CTNND2: variants seen among roughly 807,000 people sequenced by gnomAD.
CTNND2 encodes the protein catenin delta-2.
Under a neutral mutation model 144.4 loss-of-function variants are expected in CTNND2, and 22 were observed. The observed-to-expected ratio is 0.15, with a 90% CI of 0.11 to 0.22. CTNND2 has a LOEUF of 0.22. Ranked by LOEUF, CTNND2 falls within the 10% of genes least tolerant of loss-of-function variation. The probability of loss-of-function intolerance (pLI) is 1.00; values close to 1 mark genes in which losing one functional copy is unlikely to be tolerated. For synonymous variants in CTNND2, 751 were observed against 695.6 expected, an observed-to-expected ratio of 1.08 and a Z score of -1.25; for missense variants, 1,353 against 1,618.8, an observed-to-expected ratio of 0.84 and a Z score of 2.82.
chr5:11,320,307 A>C (rs1161030399), intron 9 of CTNND2, among the ~76,000 whole-genome samples: 1 of 152,188 alleles, frequency 6.6e-6, no homozygotes, highest in East Asian at 1.9e-4. Context: ...CACTCACATA[A>C]GTAAAGTTGC....
chr5:11,745,302 C>A (rs1046758704), intron 1 of CTNND2, among the ~76,000 whole-genome samples: 2 of 152,072 alleles, frequency 1.3e-5, no homozygotes, highest in Admixed American at 6.6e-5. Context: ...TTTAGATGCG[C>A]CCTTCGTGGG....
intron 5 of CTNND2, among the ~76,000 whole-genome samples, chr5:11,408,936 T>G (rs1411490864): frequency 6.6e-6 from 1 of 152,058 alleles, no homozygotes; most frequent in African/African-American, 2.4e-5. Flanking sequence ...TACTTTATAT[T>G]ACTTTATCTC....
intron 3 of CTNND2, among the ~76,000 whole-genome samples, chr5:11,526,871 A>G (rs1353239366): frequency 6.7e-6 from 1 of 150,260 alleles, no homozygotes; most frequent in East Asian, 1.9e-4. Flanking sequence ...AGAAGAAAAT[A>G]TGGTCTGTCC....
intron 1 of CTNND2, among the ~76,000 whole-genome samples, chr5:11,743,798 C>T (rs1788155377): frequency 6.6e-6 from 1 of 152,052 alleles, no homozygotes; most frequent in Admixed American, 6.6e-5. Flanking sequence ...AGGGGATTAC[C>T]GTTCTACCTC....
intron 19 of CTNND2, 78 bp downstream of exon 19, chr5:10,992,473 T>C (rs1738793277): frequency 1.3e-6 from 2 of 1,596,192 alleles, no homozygotes; most frequent in Non-Finnish European, 1.7e-6. Context: ...TGAGTACGGG[T>C]TGGCTCACGG....
intron 2 of CTNND2, among the ~76,000 whole-genome samples, chr5:11,689,554 T>G (rs1784802763): frequency 6.6e-6 from 1 of 152,360 alleles, no homozygotes; most frequent in Middle Eastern, 3.4e-3. Context: ...TAAATCAATT[T>G]GTGAATGCTG....
intron 2 of CTNND2, among the ~76,000 whole-genome samples, chr5:11,679,372 A>T (rs1460478841): frequency 6.6e-6 from 1 of 152,214 alleles, no homozygotes; most frequent in East Asian, 1.9e-4. Context: ...TATGGAGATT[A>T]AAACTGATGC....
At chr5:11,471,529 A>G (rs1767236156) in intron 3 of CTNND2, among the ~76,000 whole-genome samples, 1 of 152,232 alleles carries the variant, frequency 6.6e-6, no homozygotes, top group Non-Finnish European at 1.5e-5. Context: ...AAATTCTAGT[A>G]ATAGAATAAT....
chr5:11,210,496 T>A (rs1580597172), intron 10 of CTNND2, among the ~76,000 whole-genome samples: 1 of 152,212 alleles, frequency 6.6e-6, no homozygotes, highest in African/African-American at 2.4e-5. Context: ...TTAAAAGAAA[T>A]AGTCATCTCC....
chr5:10,976,098 G>C (rs964942748), intron 21 of CTNND2, among the ~76,000 whole-genome samples: 1 of 118,284 alleles, frequency 8.5e-6, no homozygotes, highest in Admixed American at 9.2e-5. Context: ...TGCTGCACCC[G>C]GAGAGACAGA....
intron 1 of CTNND2, among the ~76,000 whole-genome samples, chr5:11,879,341 G>GTGTATATGTA: frequency 9.1e-6 from 1 of 109,336 alleles, no homozygotes; most frequent in East Asian, 2.5e-4. Context: ...TTAAATGTGT[G>GTGTATATGTA]TATATATATA....
In CTNND2 at chr5:11,166,004, T is replaced by C. The variant is rs1381093597; in HGVS notation, c.1976-6245A>G. Among the ~76,000 whole-genome samples the C allele has an allele frequency of 3.9e-5, 6 of 152,290 alleles. 1 individual carries two copies. The highest frequency in any genetic ancestry group is 5.9e-5 in the Non-Finnish European group (4 of 68,032). On this transcript the variant is annotated intron_variant, in intron 11 of 21. Coordinates refer to ENST00000304623, the MANE Select transcript of CTNND2 (RefSeq NM_001332.4). ...GCCCACTGGCTTGCTTTCAGCTCTT[T>C]AGACGTAGCATGAATCCTCTCATGT...
intron 16 of CTNND2, among the ~76,000 whole-genome samples, chr5:11,037,894 T>C (rs1389803700): frequency 1.3e-5 from 2 of 152,180 alleles, no homozygotes; most frequent in Non-Finnish European, 2.9e-5. Flanking sequence ...TCTGAAACTA[T>C]ACAACAACTG....
intron 1 of CTNND2, among the ~76,000 whole-genome samples, chr5:11,831,813 T>C (rs1390982167): frequency 6.6e-6 from 1 of 152,142 alleles, no homozygotes; most frequent in Non-Finnish European, 1.5e-5. Context: ...TTTTTGTATA[T>C]AAGCATGAAA....
chr5:11,760,235 G>A (rs753479278), intron 1 of CTNND2, among the ~76,000 whole-genome samples: 4 of 151,968 alleles, frequency 2.6e-5, no homozygotes, highest in South Asian at 2.1e-4. Context: ...CAATGGCCAC[G>A]TATTCTAGAA....
chr5:10,983,201 C>T (rs1737515924), intron 20 of CTNND2, among the ~76,000 whole-genome samples: 1 of 152,148 alleles, frequency 6.6e-6, no homozygotes, highest in African/African-American at 2.4e-5. Context: ...GTGATGGTAT[C>T]TCATTACCCT....
chr5:11,218,835 A>G (rs986193957), intron 10 of CTNND2, among the ~76,000 whole-genome samples: 1 of 152,088 alleles, frequency 6.6e-6, no homozygotes, highest in African/African-American at 2.4e-5. Context: ...CCTTCCCAGA[A>G]AATCCATCTT....
intron 2 of CTNND2, among the ~76,000 whole-genome samples, chr5:11,594,256 C>T (rs754723398): frequency 2.0e-5 from 3 of 152,206 alleles, no homozygotes; most frequent in South Asian, 2.1e-4. Flanking sequence ...ATGACTGAGT[C>T]TCACACACAT....
chr5:11,882,532 TTATTAAAAAGCATG>T (rs1736200505), intron 1 of CTNND2, among the ~76,000 whole-genome samples: 2 of 152,182 alleles, frequency 1.3e-5, no homozygotes, highest in South Asian at 4.1e-4. Flanking sequence ...CCAGCAGCAT[TTATTAAAAAGCATG>T]TATTAAAAAG....
Sources: allele counts gnomAD v4.1 joint callset (sites outside exome capture counted in the v4.1 genomes callset), GRCh38; gene constraint gnomAD v4.1.1; transcripts MANE v1.5; gene names NCBI Gene and HGNC (gene_info 2026-07-23, HGNC 2026-07-21).